The following FAXDC2 variants were observed in gnomAD, a reference collection of about 807,000 sequenced individuals.
The protein encoded by FAXDC2 is fatty acid hydroxylase domain containing 2, also known as fatty acid hydroxylase domain-containing protein 2.
A neutral mutation model predicts 40.9 loss-of-function variants in FAXDC2; 41 were observed. The observed-to-expected ratio is 1.00, with a 90% confidence interval of 0.78 to 1.30. FAXDC2 has a LOEUF of 1.30. Ranked by LOEUF, FAXDC2 falls within the 50% of genes most tolerant of loss-of-function variation. The pLI is 0.00. For missense variants in FAXDC2, 390 were observed against 408.8 expected, an observed-to-expected ratio of 0.95 and a Z score of 0.40; for synonymous variants, 157 against 149.3, an observed-to-expected ratio of 1.05 and a Z score of -0.38.
At chr5:154,838,476 A>G (rs764341493) in intron 1 of FAXDC2, 35 of 364,100 alleles carry the variant, frequency 9.6e-5, no homozygotes, top group Non-Finnish European at 1.5e-4. Context: ...GGGTCCCACT[A>G]CGTTGCCCAG....
intron 8 of FAXDC2, 88 bp from the exon 9 acceptor site, chr5:154,820,560 C>A (rs1759859329): frequency 1.8e-6 from 2 of 1,139,020 alleles, no homozygotes; most frequent in East Asian, 5.3e-5. Context: ...ACACATTTCT[C>A]AGCCCTCCTA....
intron 1 of FAXDC2, among the ~76,000 whole-genome samples, chr5:154,846,269 AGTGTGTGTGT>A (rs10674936): frequency 4.8e-5 from 7 of 147,344 alleles, no homozygotes; most frequent in Non-Finnish European, 9.0e-5. Flanking sequence ...TGAACTAGAT[AGTGTGTGTGT>A]GTGTGTGTGT....
At chr5:154,823,054 C>G (rs768262209) in intron 6 of FAXDC2, among the ~76,000 whole-genome samples, 1 of 152,198 alleles carries the variant, frequency 6.6e-6, no homozygotes, top group Non-Finnish European at 1.5e-5. Context: ...CTCTTTCGCC[C>G]AGGCTGGAGT....
chr5:154,820,965 T>C (rs1252184605), intron 8 of FAXDC2: 3 of 349,014 alleles, frequency 8.6e-6, no homozygotes. Context: ...ATGACTTCCT[T>C]GTGATTGCCT....
rs1251452040 is a variant in FAXDC2 at position 154,842,450 on chromosome 5, C to T, written c.1-4272G>A. Among the ~76,000 whole-genome samples the T allele has an allele frequency of 3.4e-5, 5 of 146,614 alleles. No homozygotes were observed. The East Asian group carries it at 6.2e-4, about 18-fold the overall frequency. On this transcript the variant is annotated intron_variant, in intron 1 of 8. Coordinates refer to ENST00000326080, the MANE Select transcript of FAXDC2 (RefSeq NM_032385.5). ...CTAACTCCTGGCCTTGTGATCCACC[C>T]GCCTCGACCTCCCAAAGTGCTGGGA...
chr5:154,834,486 T>C, intron 4 of FAXDC2, 139 bp downstream of exon 4: 1 of 645,238 alleles, frequency 1.5e-6, no homozygotes, highest in Non-Finnish European at 2.7e-6. Flanking sequence ...TCTTTGGGAC[T>C]ACCACTTTTT....
chr5:154,838,742 C>T (rs1348506169), intron 1 of FAXDC2: 1 of 153,504 alleles, frequency 6.5e-6, no homozygotes, highest in Non-Finnish European at 1.4e-5. Context: ...GGACTACAGG[C>T]TTCCACCACC....
At chr5:154,834,590 C>G in intron 4 of FAXDC2, 35 bp downstream of exon 4, 1 of 1,374,078 alleles carries the variant, frequency 7.3e-7, no homozygotes, top group Non-Finnish European at 1.0e-6. Flanking sequence ...AATCATGCAC[C>G]CACATGCTAG....
intron 7 of FAXDC2, 83 bp downstream of exon 7, chr5:154,822,389 G>T (rs1759911010): frequency 1.1e-6 from 1 of 927,396 alleles, no homozygotes; most frequent in Non-Finnish European, 1.8e-6. Flanking sequence ...GGCCGGTGTG[G>T]TCTAAGTTCT....
chr5:154,822,287 A>T, intron 7 of FAXDC2, 185 bp downstream of exon 7: 1 of 588,352 alleles, frequency 1.7e-6, no homozygotes, highest in Non-Finnish European at 3.0e-6. Context: ...TGTTGGGATG[A>T]TTAAATGAGA....
Position 154,821,256 on chromosome 5 carries a change from T to A in FAXDC2, c.845+4A>T. On this transcript the variant is annotated splice_donor_region_variant and intron_variant, in intron 8 of 8. Coordinates refer to ENST00000326080, the MANE Select transcript of FAXDC2 (RefSeq NM_032385.5). ...GGGACCCATTGTGGGGAGAAGGTCCTTACTTGAGATGGTGGTAGTCGTGGA... is the reference window on the plus strand; with the variant it reads ...GGGACCCATTGTGGGGAGAAGGTCCATACTTGAGATGGTGGTAGTCGTGGA... The A allele has an allele frequency of 6.2e-7, 1 of 1,611,002 alleles. No homozygotes were observed. The highest frequency in any genetic ancestry group is 1.7e-5 in the Admixed American group (1 of 59,656).
At chr5:154,830,766 T>C in intron 5 of FAXDC2, 35 bp downstream of exon 5, 1 of 1,608,774 alleles carries the variant, frequency 6.2e-7, no homozygotes, top group Non-Finnish European at 8.5e-7. Flanking sequence ...GCTCTTGCTT[T>C]CTGTGCTTTG....
At chr5:154,846,984 G>A (rs1378128522) in intron 1 of FAXDC2, among the ~76,000 whole-genome samples, 2 of 151,364 alleles carry the variant, frequency 1.3e-5, no homozygotes, top group Non-Finnish European at 2.9e-5. Context: ...ATTTTTTAGA[G>A]ATAGCATCTT....
At chr5:154,836,287 C>T (rs1382031869) in intron 2 of FAXDC2, 1 of 152,234 alleles carries the variant, frequency 6.6e-6, no homozygotes, top group Admixed American at 6.5e-5. Flanking sequence ...TTCTGAGGGT[C>T]AAGGAGAGAC....
rs10674936 is a variant in FAXDC2 at position 154,846,269 on chromosome 5, A to AGTGTGTGTGT, written c.-1+4204_-1+4213dup. On this transcript the variant is annotated intron_variant, in intron 1 of 8. Coordinates refer to ENST00000326080, the MANE Select transcript of FAXDC2 (RefSeq NM_032385.5). Reference sequence around the variant, plus strand: ...ATTAGCCATGAATAGTGAACTAGATAGTGTGTGTGTGTGTGTGTGTGTGTG... The same window carrying AGTGTGTGTGT: ...ATTAGCCATGAATAGTGAACTAGATAGTGTGTGTGTGTGTGTGTGTGTGTGTGTGTGTGTG... 4.8e-4 allele frequency among the ~76,000 whole-genome samples: 71 copies of AGTGTGTGTGT among 147,446 alleles called. 1 individual carries two copies. The highest frequency in any genetic ancestry group is 1.7e-3 in the African/African-American group (67 of 40,122).
intron 1 of FAXDC2, among the ~76,000 whole-genome samples, chr5:154,846,964 ATTTATT>A (rs892286264): frequency 1.3e-4 from 20 of 150,190 alleles, no homozygotes; most frequent in African/African-American, 4.9e-4. Flanking sequence ...CAAGGATTTT[ATTTATT>A]TTTATTTTTT....
At chr5:154,843,329 G>A (rs1029088757) in intron 1 of FAXDC2, among the ~76,000 whole-genome samples, 3 of 152,194 alleles carry the variant, frequency 2.0e-5, no homozygotes, top group Admixed American at 1.3e-4. Flanking sequence ...CAAAGCAAAC[G>A]AGACATGGCC....
chr5:154,849,486 C>G (rs1191412445), intron 1 of FAXDC2, among the ~76,000 whole-genome samples: 5 of 152,026 alleles, frequency 3.3e-5, no homozygotes, highest in Admixed American at 3.3e-4. Flanking sequence ...CAGAATCAAG[C>G]CCAAGCCTGG....
intron 1 of FAXDC2, among the ~76,000 whole-genome samples, chr5:154,847,983 G>A (rs1378159658): frequency 6.6e-6 from 1 of 151,712 alleles, no homozygotes; most frequent in Non-Finnish European, 1.5e-5. Flanking sequence ...GGGACCACAG[G>A]TGCCTGCCAC....
Sources: allele counts gnomAD v4.1 joint callset (sites outside exome capture counted in the v4.1 genomes callset), GRCh38; gene constraint gnomAD v4.1.1; transcripts MANE v1.5; gene names NCBI Gene and HGNC (gene_info 2026-07-23, HGNC 2026-07-21).